RASAL2: variants seen among roughly 807,000 people sequenced by gnomAD.
RASAL2 encodes the protein RAS protein activator like 2.
Under a neutral mutation model 128.9 loss-of-function variants are expected in RASAL2, and 58 were observed. The ratio of observed to expected loss-of-function variants is 0.45; its 90% CI spans 0.36 to 0.56. RASAL2 has a LOEUF of 0.56. RASAL2 is among the 20% of genes least tolerant of loss of function. The pLI, the probability that RASAL2 is intolerant of heterozygous loss-of-function variation, is 0.00. For synonymous variants in RASAL2, 561 were observed against 580.8 expected, an observed-to-expected ratio of 0.97 and a Z score of 0.49; for missense variants, 1,360 against 1,601.6, an observed-to-expected ratio of 0.85 and a Z score of 2.57.
intron 1 of RASAL2, among the ~76,000 whole-genome samples, chr1:178,185,311 C>A (rs1445567069): frequency 6.6e-6 from 1 of 151,190 alleles, no homozygotes; most frequent in South Asian, 2.1e-4. Flanking sequence ...TTTATTTCTT[C>A]TTTTCCTAAC....
chr1:178,431,980 A>G (rs890950743), intron 5 of RASAL2, among the ~76,000 whole-genome samples: 7 of 150,824 alleles, frequency 4.6e-5, no homozygotes, highest in African/African-American at 1.7e-4. Context: ...TTCGTATAAA[A>G]TATTTCTGGG....
chr1:178,258,551 A>G (rs949991075), intron 1 of RASAL2, among the ~76,000 whole-genome samples: 7 of 152,238 alleles, frequency 4.6e-5, no homozygotes, highest in South Asian at 2.1e-4. Context: ...ATACAAATCA[A>G]TACAACAGTG....
intron 4 of RASAL2, among the ~76,000 whole-genome samples, chr1:178,393,258 T>C (rs561473873): frequency 6.6e-6 from 1 of 152,304 alleles, no homozygotes; most frequent in South Asian, 2.1e-4. Context: ...GGTTGTAATA[T>C]ATAATGAAAT....
chr1:178,278,507 C>T (rs921115002), intron 1 of RASAL2, among the ~76,000 whole-genome samples: 4 of 152,106 alleles, frequency 2.6e-5, no homozygotes, highest in African/African-American at 4.8e-5. Flanking sequence ...ATGATTTTAC[C>T]AATTGCATTT....
At chr1:178,136,315 T>C (rs1485563082) in intron 1 of RASAL2, among the ~76,000 whole-genome samples, 3 of 152,170 alleles carry the variant, frequency 2.0e-5, no homozygotes, top group African/African-American at 7.2e-5. Flanking sequence ...AGTCTTTGCT[T>C]TACCTGTGGG....
chr1:178,160,669 ATT>A (rs1392646801), intron 1 of RASAL2, among the ~76,000 whole-genome samples: 1 of 152,172 alleles, frequency 6.6e-6, no homozygotes, highest in African/African-American at 2.4e-5. Flanking sequence ...AAAAAAATAT[ATT>A]GAGTCCATCT....
chr1:178,216,705 T>C (rs952935670), intron 1 of RASAL2, among the ~76,000 whole-genome samples: 3 of 152,160 alleles, frequency 2.0e-5, no homozygotes, highest in African/African-American at 7.2e-5. Context: ...AGTGGCACGA[T>C]CTTGGCTCAC....
chr1:178,102,590 A>G (rs1486604322), intron 1 of RASAL2, among the ~76,000 whole-genome samples: 3 of 152,122 alleles, frequency 2.0e-5, no homozygotes, highest in Non-Finnish European at 2.9e-5. Context: ...ATTTTTTTGT[A>G]TTAATACATA....
intron 1 of RASAL2, among the ~76,000 whole-genome samples, chr1:178,263,272 C>T (rs184528187): frequency 3.7e-4 from 56 of 152,172 alleles, no homozygotes; most frequent in African/African-American, 1.3e-3. Context: ...ATAACAAGTG[C>T]TATTATTTAT....
At chr1:178,287,064 C>T (rs1327471850) in intron 2 of RASAL2, among the ~76,000 whole-genome samples, 1 of 152,056 alleles carries the variant, frequency 6.6e-6, no homozygotes, top group Non-Finnish European at 1.5e-5. Context: ...TGTCCTCTCT[C>T]TCCCCTGAGT....
intron 3 of RASAL2, among the ~76,000 whole-genome samples, chr1:178,334,409 G>A (rs1032133031): frequency 2.0e-4 from 31 of 151,526 alleles, no homozygotes; most frequent in South Asian, 6.3e-4. Context: ...CACTATCTCG[G>A]GTCACTGCAA....
intron 3 of RASAL2, among the ~76,000 whole-genome samples, chr1:178,304,974 A>G (rs938181467): frequency 6.6e-5 from 10 of 152,222 alleles, no homozygotes; most frequent in African/African-American, 2.2e-4. Flanking sequence ...CCAAATCAGC[A>G]TACAAAAATC....
At chr1:178,376,711 A>G (rs7521590) in intron 3 of RASAL2, among the ~76,000 whole-genome samples, 3,423 of 152,212 alleles carry the variant, frequency 0.022, 67 homozygotes, top group East Asian at 0.086. Context: ...TTGTGTGCCC[A>G]TCAAATACTT....
At chr1:178,120,143 C>A (rs931941770) in intron 1 of RASAL2, among the ~76,000 whole-genome samples, 1 of 152,126 alleles carries the variant, frequency 6.6e-6, no homozygotes, top group Non-Finnish European at 1.5e-5. Flanking sequence ...CTCCATGTGG[C>A]GAAGCAGTGT....
intron 1 of RASAL2, among the ~76,000 whole-genome samples, chr1:178,168,393 C>G (rs1216849579): frequency 6.6e-6 from 1 of 151,638 alleles, no homozygotes; most frequent in Non-Finnish European, 1.5e-5. Context: ...AGAAATATTA[C>G]TACTATAAAT....
chr1:178,279,357 C>G (rs1666672372), intron 1 of RASAL2, among the ~76,000 whole-genome samples: 1 of 152,150 alleles, frequency 6.6e-6, no homozygotes, highest in South Asian at 2.1e-4. Context: ...AAATCTGGCT[C>G]ACATGGTCTG....
At chr1:178,176,866 T>A (rs1661913076) in intron 1 of RASAL2, among the ~76,000 whole-genome samples, 1 of 151,868 alleles carries the variant, frequency 6.6e-6, no homozygotes, top group Non-Finnish European at 1.5e-5. Context: ...CCTAGGCTGA[T>A]CTTGAACTGT....
At chr1:178,361,166 G>A (rs1421979944) in intron 3 of RASAL2, among the ~76,000 whole-genome samples, 1 of 152,238 alleles carries the variant, frequency 6.6e-6, no homozygotes, top group East Asian at 1.9e-4. Context: ...ACTCATTTAA[G>A]ATCAAATAGG....
At chr1:178,249,597 G>A (rs573855324) in intron 1 of RASAL2, among the ~76,000 whole-genome samples, 1 of 152,148 alleles carries the variant, frequency 6.6e-6, no homozygotes, top group Admixed American at 6.5e-5. Context: ...GACAGGAGTT[G>A]TGATCATTTG....
Sources: gnomAD v4.1 joint callset for allele counts (sites outside exome capture counted in the v4.1 genomes callset) on GRCh38, gnomAD v4.1.1 for gene constraint, MANE v1.5 for transcripts, NCBI Gene and HGNC (gene_info 2026-07-23, HGNC 2026-07-21) for gene names.